The following ELF4 variants were observed in gnomAD, a reference collection of about 807,000 sequenced individuals.
ELF4 encodes the protein E74 like ETS transcription factor 4.
Under a neutral mutation model 31.7 loss-of-function variants are expected in ELF4, and 10 were observed. That is an observed-to-expected ratio of 0.32 (90% confidence interval 0.19 to 0.54). ELF4 has a LOEUF of 0.54. Among genes scored for constraint, ELF4 ranks in the 20% least tolerant of loss-of-function variants. The probability of loss-of-function intolerance (pLI) is 0.95; values close to 1 mark genes in which losing one functional copy is unlikely to be tolerated. For missense variants in ELF4, 418 were observed against 522.0 expected (o/e 0.80, Z 1.94); for synonymous variants, 208 against 226.7 (o/e 0.92, Z 0.74).
chrX:130,076,573 C>T (rs1369902016), intron 2 of ELF4, among the ~76,000 whole-genome samples: 11 of 110,781 alleles, frequency 9.9e-5, no homozygotes, highest in Non-Finnish European at 2.1e-4. Context: ...CTGGGATTAC[C>T]GGCGCCTGCC....
At chrX:130,067,836 G>A (rs758182047) in intron 8 of ELF4, among the ~76,000 whole-genome samples, 8 of 108,323 alleles carry the variant, frequency 7.4e-5, no homozygotes, top group South Asian at 4.0e-4. Context: ...TTTTTGAGAC[G>A]GAGTCTTGCT....
chrX:130,079,833 T>C (rs1045529451), intron 2 of ELF4, among the ~76,000 whole-genome samples: 3 of 112,004 alleles, frequency 2.7e-5, no homozygotes, highest in Admixed American at 9.5e-5. Flanking sequence ...ACAAGTAGCA[T>C]TGAGAACTCA....
chrX:130,081,383 G>A lies in ELF4; in HGVS notation c.-53C>T. Reference sequence around the variant, plus strand: ...GATTATCAGAGCCCTCCAGAGCTGTGGGGCTTTCTTGATGAAGGGACAATA... The same window carrying A: ...GATTATCAGAGCCCTCCAGAGCTGTAGGGCTTTCTTGATGAAGGGACAATA... On this transcript the variant is annotated 5_prime_UTR_variant, in exon 2 of 9. Transcript: ENST00000308167. 9 of 1,146,833 alleles carry A rather than the reference G, an allele frequency of 7.8e-6. No homozygotes were observed. The highest frequency in any genetic ancestry group is 1.1e-5 in the Non-Finnish European group (9 of 836,608). The allele number at this position is 1,146,833 out of a possible 1,213,427, so 94.5% of individuals were successfully genotyped here.
rs1932645932 is a variant in ELF4, at chrX:130,065,575, G to A, written c.*1146C>T. 1 of 174,737 alleles carries A rather than the reference G, an allele frequency of 5.7e-6. No homozygotes were observed. The highest frequency in any genetic ancestry group is 7.8e-5 in the Admixed American group (1 of 12,747). 14.4% of individuals were successfully genotyped at this position (174,737 alleles called of 1,213,427 possible). On this transcript the variant is annotated 3_prime_UTR_variant, in exon 9 of 9. Coordinates refer to ENST00000308167, the MANE Select transcript of ELF4 (RefSeq NM_001421.4). ...GCTGAGCAGCAGAAACCATGTGGTA[G>A]GTGCCCATGCTTGAGCAGGAATGGG...
rs768956183 is a variant in ELF4, at chrX:130,067,345, G to C, written c.1368C>G (p.Thr456=). 7.4e-6 allele frequency: 9 copies of C among 1,212,168 alleles called. No homozygotes were observed. The East Asian group carries it at 2.7e-4, about 36-fold the overall frequency. ...SVPAASTFKD[T]FTLQASFPLN... is the part of the protein sequence containing the mutation. Reference sequence around the variant, plus strand: ...GGGGGAAAGAGGCCTGCAAAGTGAAGGTGTCCTTGAAAGTAGAGGCCGCTG... The same window carrying C: ...GGGGGAAAGAGGCCTGCAAAGTGAACGTGTCCTTGAAAGTAGAGGCCGCTG... The change falls in exon 9 of 9, where the codon ACC becomes ACG. Residue 456 remains threonine (T), a synonymous_variant. Transcript: ENST00000308167.
intron 1 of ELF4, among the ~76,000 whole-genome samples, chrX:130,091,527 A>G (rs752586937): frequency 8.0e-5 from 9 of 112,376 alleles, no homozygotes; most frequent in East Asian, 2.8e-4. Flanking sequence ...GCCTCAAGCC[A>G]TCCTCACACC....
chrX:130,070,787 A>AAAAAAAAAG (rs1556186609), intron 7 of ELF4, among the ~76,000 whole-genome samples: 3 of 92,724 alleles, frequency 3.2e-5, no homozygotes, highest in Non-Finnish European at 4.1e-5. Flanking sequence ...AAAAAAAAAA[A>AAAAAAAAAG]AAAGAAAGAA....
intron 1 of ELF4, among the ~76,000 whole-genome samples, chrX:130,102,880 GAGAGAGAA>G (rs1387023643): frequency 1.9e-3 from 83 of 44,611 alleles, no homozygotes; most frequent in South Asian, 2.6e-3. Flanking sequence ...GAGAGAGAGA[GAGAGAGAA>G]AGAAAGAAAG....
chrX:130,073,380 C>T (rs1932805376), intron 4 of ELF4, among the ~76,000 whole-genome samples: 1 of 111,990 alleles, frequency 8.9e-6, no homozygotes, highest in Non-Finnish European at 1.9e-5. Context: ...AGCCACCACA[C>T]CCGGCCTGGA....
intron 1 of ELF4, among the ~76,000 whole-genome samples, chrX:130,086,939 G>A (rs1049240247): frequency 2.7e-5 from 3 of 111,977 alleles, no homozygotes; most frequent in Non-Finnish European, 3.8e-5. Context: ...AGGCTGCTGC[G>A]GCTGGTGCAG....
At chrX:130,093,125 C>T (rs1933088089) in intron 1 of ELF4, among the ~76,000 whole-genome samples, 1 of 110,654 alleles carries the variant, frequency 9.0e-6, no homozygotes, top group Non-Finnish European at 1.9e-5. Flanking sequence ...GCCTGGCCAA[C>T]ATGATGGCGT....
chrX:130,076,570 T>C (rs1466423875), intron 2 of ELF4, among the ~76,000 whole-genome samples: 1 of 111,300 alleles, frequency 9.0e-6, no homozygotes, highest in African/African-American at 3.3e-5. Flanking sequence ...TAGCTGGGAT[T>C]ACCGGCGCCT....
intron 1 of ELF4, among the ~76,000 whole-genome samples, chrX:130,099,998 C>T (rs1331548750): frequency 9.0e-6 from 1 of 110,817 alleles, no homozygotes; most frequent in Non-Finnish European, 1.9e-5. Context: ...AGAAGGGGCT[C>T]CAGGGCAAGT....
At chrX:130,081,085 C>T (rs193139758) in intron 2 of ELF4, among the ~76,000 whole-genome samples, 171 bp downstream of exon 2, 9 of 112,660 alleles carry the variant, frequency 8.0e-5, no homozygotes, top group Admixed American at 3.7e-4. Flanking sequence ...CTGGCTGGCA[C>T]GCAGGCTGGC....
In ELF4 at chrX:130,066,346, G is replaced by A. The variant is rs1932670148; in HGVS notation, c.*375C>T. On this transcript the variant is annotated 3_prime_UTR_variant, in exon 9 of 9. Coordinates refer to ENST00000308167, the MANE Select transcript of ELF4 (RefSeq NM_001421.4). ...ACATACAGGGATATTCACATATAGG[G>A]TAGTAAATTCCCTGTGTAGGGAATG... 1.1e-5 allele frequency: 3 copies of A among 274,754 alleles called. No individual in the cohort carries two copies. Among genetic ancestry groups the A allele is most frequent in the South Asian group, 8.2e-5 (1 of 12,265 alleles). 22.6% of individuals were successfully genotyped at this position (274,754 alleles called of 1,213,427 possible).
chrX:130,071,050 G>A lies in ELF4; in HGVS notation c.799C>T (p.Arg267Trp), dbSNP rs984573393. Residue 267 changes from arginine to tryptophan, a missense_variant, in exon 7 of 9, where the codon CGG becomes TGG. Transcript: ENST00000308167. ...KPDMNYETMG[R>W]ALRYYYQRGI... ...CCCAACAGCTCCTACCTTAGTGCCC[G>A]CCCCATTGTCTCATAGTTCATGTCA... is the stretch of plus-strand genomic sequence containing the variant. The A allele has an allele frequency of 3.3e-6, 4 of 1,211,729 alleles. No homozygotes were observed. The highest frequency in any genetic ancestry group is 4.5e-6 in the Non-Finnish European group (4 of 895,503).
rs149171003 is a variant in ELF4 at position 130,097,648 on chromosome X, T to C, written c.-210+12677A>G. ...TCTCTATGACAATCCTTCTGTTGAC[T>C]GTCTCCATGAGGGGCAGCTCAGTTC... On this transcript the variant is annotated intron_variant, in intron 1 of 8. Transcript: ENST00000308167. Among the ~76,000 whole-genome samples the C allele has an allele frequency of 3.8e-4, 43 of 112,270 alleles. 1 individual carries two copies. Among genetic ancestry groups the C allele is most frequent in the East Asian group, 3.7e-3 (13 of 3,553 alleles).
At chrX:130,072,165 G>A (rs1569402600) in intron 5 of ELF4, 61 bp downstream of exon 5, 3 of 1,096,142 alleles carry the variant, frequency 2.7e-6, no homozygotes, top group Admixed American at 2.2e-5. Flanking sequence ...AGCCCTGACC[G>A]CCCCCCCACG....
chrX:130,070,600 A>AT (rs1423765124), intron 7 of ELF4, among the ~76,000 whole-genome samples: 2 of 97,145 alleles, frequency 2.1e-5, no homozygotes, highest in African/African-American at 8.6e-5. Flanking sequence ...ATAAATAAAA[A>AT]TAAAAAAAAA....
Sources: allele counts gnomAD v4.1 joint callset (sites outside exome capture counted in the v4.1 genomes callset), GRCh38; gene constraint gnomAD v4.1.1; transcripts MANE v1.5; gene names NCBI Gene and HGNC (gene_info 2026-07-23, HGNC 2026-07-21).